HNRNPUL1: variants seen among roughly 807,000 people sequenced by gnomAD.
HNRNPUL1 encodes the protein heterogeneous nuclear ribonucleoprotein U-like protein 1.
A neutral mutation model predicts 108.5 loss-of-function variants in HNRNPUL1; 14 were observed. The ratio of observed to expected loss-of-function variants is 0.13; its 90% confidence interval spans 0.09 to 0.20. The LOEUF is 0.20. Among genes scored for constraint, HNRNPUL1 ranks in the 10% least tolerant of loss-of-function variants. HNRNPUL1 has a pLI of 1.00. For missense variants in HNRNPUL1, 804 were observed against 1,168.3 expected (o/e 0.69, Z 4.55); for synonymous variants, 422 against 445.2 (o/e 0.95, Z 0.66).
rs149409314 is a variant in HNRNPUL1 at position 41,287,004 on chromosome 19, C to T, written c.1000-5241C>T. ...AAGTGCTGGGATTATAGATGTGAGC[C>T]ACCGCGCCCAGTCGGTGTGTACCCT... On this transcript the variant is annotated intron_variant, in intron 7 of 14. Coordinates refer to ENST00000392006, the MANE Select transcript of HNRNPUL1 (RefSeq NM_007040.6). Among the ~76,000 whole-genome samples the T allele has an allele frequency of 1.5e-3, 227 of 151,816 alleles. 1 individual carries two copies. The highest frequency in any genetic ancestry group is 5.3e-3 in the African/African-American group (218 of 41,348).
chr19:41,296,626 AAGAG>A (rs1389415690), intron 10 of HNRNPUL1, among the ~76,000 whole-genome samples: 1 of 151,630 alleles, frequency 6.6e-6, no homozygotes, highest in African/African-American at 2.4e-5. Context: ...GGGTATGAGA[AAGAG>A]GGAGGGGGAA....
chr19:41,286,081 G>GA (rs1013536763), intron 7 of HNRNPUL1, among the ~76,000 whole-genome samples: 43 of 140,776 alleles, frequency 3.1e-4, no homozygotes, highest in South Asian at 8.8e-4. Flanking sequence ...ACTGAGGTGA[G>GA]AAAAAAAAAA....
chr19:41,283,605 G>A (rs984170499), intron 7 of HNRNPUL1, among the ~76,000 whole-genome samples: 1 of 152,112 alleles, frequency 6.6e-6, no homozygotes, highest in Admixed American at 6.5e-5. Context: ...ACAGGTGCAC[G>A]CCACCATGCC....
chr19:41,290,259 C>T (rs2036506697), intron 7 of HNRNPUL1, among the ~76,000 whole-genome samples: 2 of 152,092 alleles, frequency 1.3e-5, no homozygotes, highest in African/African-American at 4.8e-5. Context: ...AGTTTTGAGC[C>T]TTTTCTTCTC....
chr19:41,303,540 G>T (rs1030218697), intron 12 of HNRNPUL1, among the ~76,000 whole-genome samples: 1 of 152,070 alleles, frequency 6.6e-6, no homozygotes, highest in African/African-American at 2.4e-5. Context: ...TTTTAGTAGA[G>T]ATGGGGTTTC....
At chr19:41,303,423 G>A (rs183862482) in intron 12 of HNRNPUL1, among the ~76,000 whole-genome samples, 92 of 146,390 alleles carry the variant, frequency 6.3e-4, no homozygotes, top group African/African-American at 2.3e-3. Flanking sequence ...GTGTAATCTC[G>A]GCTCACTGCA....
rs919810242 is a variant in HNRNPUL1, at chr19:41,294,542, C to T, written c.1390-16C>T. ...GCAACTAAAATCACTCACCCCTCAC[C>T]AATTCCTGCCCGCAGGTGATGGGCC... On this transcript the variant is annotated splice_polypyrimidine_tract_variant and intron_variant, in intron 9 of 14. Coordinates refer to ENST00000392006, the MANE Select transcript of HNRNPUL1 (RefSeq NM_007040.6). The surrounding 1 kb of genome is among the most constrained non-coding windows in gnomAD (Gnocchi z 4.3). 5 of 1,614,020 alleles carry T rather than the reference C, an allele frequency of 3.1e-6. No homozygotes were observed. Among genetic ancestry groups the T allele is most frequent in the South Asian group, 1.1e-5 (1 of 91,056 alleles).
chr19:41,291,983 AAAAAAAAAAAC>A (rs1263398103), intron 7 of HNRNPUL1: 13 of 421,314 alleles, frequency 3.1e-5, no homozygotes, highest in Non-Finnish European at 4.8e-5. Flanking sequence ...CTGTCTCAAA[AAAAAAAAAAAC>A]AAAAAAAAAA....
intron 1 of HNRNPUL1, among the ~76,000 whole-genome samples, chr19:41,266,095 A>G (rs942137844): frequency 2.8e-4 from 43 of 152,098 alleles, no homozygotes; most frequent in African/African-American, 1.0e-3. Flanking sequence ...TTGTCTGAGG[A>G]GAGGAAAACC....
chr19:41,290,075 G>A (rs1339828002), intron 7 of HNRNPUL1, among the ~76,000 whole-genome samples: 1 of 152,122 alleles, frequency 6.6e-6, no homozygotes, highest in Non-Finnish European at 1.5e-5. Flanking sequence ...CTCTGACACA[G>A]AGCTGTGCCC....
At chr19:41,293,695 G>T (rs1350677836) in intron 8 of HNRNPUL1, among the ~76,000 whole-genome samples, 1 of 152,206 alleles carries the variant, frequency 6.6e-6, no homozygotes, top group African/African-American at 2.4e-5. Flanking sequence ...CGGGGAATGG[G>T]TCACATAATC....
In HNRNPUL1 at chr19:41,294,748, A is replaced by G; in HGVS notation, c.1518+62A>G. The G allele has an allele frequency of 2.5e-6, 4 of 1,590,106 alleles. No individual in the cohort carries two copies. The South Asian group carries it at 4.4e-5, about 18-fold the overall frequency. The stretch of plus-strand genomic sequence containing the variant: ...GAGGGGACCCCTTGCATGCCTGAGA[A>G]TCTCCCTCTGGTCCCTTTCTTTTTT... On this transcript the variant is annotated intron_variant, in intron 10 of 14. Transcript: ENST00000392006. This position sits in a 1 kb window ranked among gnomAD's most constrained non-coding sequence, Gnocchi z 4.3.
intron 7 of HNRNPUL1, among the ~76,000 whole-genome samples, chr19:41,289,620 C>G (rs1188508959): frequency 6.6e-6 from 1 of 151,352 alleles, no homozygotes; most frequent in Non-Finnish European, 1.5e-5. Flanking sequence ...TTGAGGGCGC[C>G]GGTTTCTGTG....
At position 41,304,221 on chromosome 19, in the gene HNRNPUL1, A is replaced by G. The variant is rs556784075; in HGVS notation, c.2222A>G (p.Asn741Ser). Reference protein sequence around the residue: ...KNSNIPGSSANTSTPTVSSYS... With the variant: ...KNSNIPGSSASTSTPTVSSYS... ...AGCAACATCCCTGGCTCAAGCGCCA[A>G]TACCAGCACCCCCACCGTCAGCAGC... Residue 741 changes from asparagine to serine, a missense_variant, in exon 13 of 15, where the codon AAT (asparagine) becomes AGT (serine). Transcript: ENST00000392006. The G allele has an allele frequency of 1.4e-5, 23 of 1,613,232 alleles. No individual in the cohort carries two copies. Among genetic ancestry groups the G allele is most frequent in the African/African-American group, 6.7e-5 (5 of 75,014 alleles).
At chr19:41,299,522 C>T (rs1032449686) in intron 10 of HNRNPUL1, among the ~76,000 whole-genome samples, 1 of 152,180 alleles carries the variant, frequency 6.6e-6, no homozygotes, top group African/African-American at 2.4e-5. Context: ...ATAGTCAGTC[C>T]TGTAGGTCTT....
chr19:41,291,218 A>G (rs925341241), intron 7 of HNRNPUL1, among the ~76,000 whole-genome samples: 1 of 152,152 alleles, frequency 6.6e-6, no homozygotes, highest in Non-Finnish European at 1.5e-5. Flanking sequence ...CTAGGCTTAT[A>G]TACAAGCAAC....
rs2036632916 is a variant in HNRNPUL1, at chr19:41,292,346, C to T, written c.1101C>T (p.Ala367=). The change falls in exon 8 of 15, where the codon GCC becomes GCT. Residue 367 remains alanine (A), a synonymous_variant. Transcript: ENST00000392006. This position sits in a 1 kb window ranked among gnomAD's most constrained non-coding sequence, Gnocchi z 4.1. ...AGAAGGAAGCCTTGGGGGGTCAGGCCCTCTATCCTCATGTCCTGGTGAAGA... is the reference window on the plus strand; with the variant it reads ...AGAAGGAAGCCTTGGGGGGTCAGGCTCTCTATCCTCATGTCCTGGTGAAGA... The part of the protein sequence containing the change: ...RIQKEALGGQ[A]LYPHVLVKNC... The T allele has an allele frequency of 6.2e-7, 1 of 1,614,162 alleles. No homozygotes were observed. Among genetic ancestry groups the T allele is most frequent in the East Asian group, 2.2e-5 (1 of 44,882 alleles).
chr19:41,278,816 A>T (rs997597235), intron 5 of HNRNPUL1, among the ~76,000 whole-genome samples: 4 of 152,060 alleles, frequency 2.6e-5, no homozygotes, highest in Non-Finnish European at 4.4e-5. Context: ...TCTTTCTACT[A>T]GATGTTACAA....
At chr19:41,301,217 A>G (rs946192589) in intron 10 of HNRNPUL1, among the ~76,000 whole-genome samples, 4 of 152,236 alleles carry the variant, frequency 2.6e-5, no homozygotes, top group Non-Finnish European at 5.9e-5. Context: ...TTTTTTTACC[A>G]AGAGTATGTA....
Sources: gnomAD v4.1 joint callset for allele counts (sites outside exome capture counted in the v4.1 genomes callset) on GRCh38, gnomAD v4.1.1 for gene constraint, Gnocchi (gnomAD v3.1) non-coding constraint, MANE v1.5 for transcripts, NCBI Gene and HGNC (gene_info 2026-07-23, HGNC 2026-07-21) for gene names.